VPS41: variants seen among roughly 807,000 people sequenced by gnomAD.
The protein encoded by VPS41 is VPS41 subunit of HOPS complex.
VPS41 carries 85 observed loss-of-function variants against 130.9 expected under a neutral mutation model. That is an observed-to-expected ratio of 0.65 (90% CI 0.55 to 0.78). The LOEUF is 0.78. Among genes scored for constraint, VPS41 ranks in the 30% least tolerant of loss-of-function variants. The pLI is 0.00. For synonymous variants in VPS41, 335 were observed against 332.9 expected, an observed-to-expected ratio of 1.01 and a Z score of -0.07; for missense variants, 874 against 1,018.7, an observed-to-expected ratio of 0.86 and a Z score of 1.93.
At chr7:38,737,733 A>T (rs1795797801) in intron 25 of VPS41, among the ~76,000 whole-genome samples, 10 of 152,176 alleles carry the variant, frequency 6.6e-5, no homozygotes, top group African/African-American at 2.4e-4. Context: ...TTTCCATCAC[A>T]GTGGAAACTC....
chr7:38,869,286 C>T (rs1200844718), intron 2 of VPS41, 33 bp from the exon 3 acceptor site: 2 of 1,490,930 alleles, frequency 1.3e-6, no homozygotes, highest in East Asian at 2.3e-5. Context: ...TGACACCCGT[C>T]AGAGATTTAT....
In VPS41 at chr7:38,795,556, T is replaced by C. The variant is rs1247459983; in HGVS notation, c.626A>G (p.Asp209Gly). 3 of 1,613,324 alleles carry C rather than the reference T, an allele frequency of 1.9e-6. No individual in the cohort carries two copies. The African/African-American group carries it at 4.0e-5, about 22-fold the overall frequency. ...SKQRITNVPR[D>G]DISLRPDMYP... ...CATGTCTGGGCGAAGACTTATATCA[T>C]CCCGGGGCACATTGGTGATTCTTTG... Residue 209 changes from aspartate (D) to glycine (G), a missense_variant, in exon 9 of 29, where the codon GAT becomes GGT. By Grantham distance (94) the Asp-to-Gly change is moderately conservative. Transcript: ENST00000310301.
chr7:38,846,923 T>C (rs907293051), intron 4 of VPS41, among the ~76,000 whole-genome samples: 4 of 151,976 alleles, frequency 2.6e-5, no homozygotes, highest in Non-Finnish European at 2.9e-5. Context: ...GAAGAGATAA[T>C]ATTCATCAGG....
chr7:38,886,316 G>A (rs560168501), intron 2 of VPS41, among the ~76,000 whole-genome samples: 25 of 152,328 alleles, frequency 1.6e-4, no homozygotes, highest in South Asian at 4.1e-4. Flanking sequence ...CTTTTCCCAC[G>A]GTCTTTGCAA....
At position 38,743,528 on chromosome 7, in the gene VPS41, TA is replaced by T. The variant is rs778469292; in HGVS notation, c.1995del (p.Asn665LysfsTer6). On this transcript the variant is annotated frameshift_variant, in exon 24 of 29. Coordinates refer to ENST00000310301, the MANE Select transcript of VPS41 (RefSeq NM_014396.4). LOFTEE classifies it high-confidence loss of function. ...ETVYLLSRMG[N>X]SRSALKMIME... ...ATAATCATCTTCAGGGCACTTCGGC[TA>T]TTACCCATTCGGCCTTGGTGGGGTG... 1.2e-6 allele frequency: 2 copies of T among 1,613,858 alleles called. No individual in the cohort carries two copies. The highest frequency in any genetic ancestry group is 2.2e-5 in the South Asian group (2 of 91,042).
chr7:38,888,592 C>G (rs1369664795), intron 2 of VPS41, among the ~76,000 whole-genome samples: 1 of 152,108 alleles, frequency 6.6e-6, no homozygotes, highest in Non-Finnish European at 1.5e-5. Context: ...CTTTAACACC[C>G]CACTGTTAAT....
intron 7 of VPS41, among the ~76,000 whole-genome samples, chr7:38,798,478 A>G (rs924481678): frequency 2.5e-4 from 38 of 152,118 alleles, no homozygotes; most frequent in Non-Finnish European, 1.2e-4. Flanking sequence ...CTTTTAGTAG[A>G]GACGGGGTTT....
intron 25 of VPS41, among the ~76,000 whole-genome samples, chr7:38,735,152 A>G (rs1051057096): frequency 2.0e-5 from 3 of 152,230 alleles, no homozygotes; most frequent in Non-Finnish European, 2.9e-5. Context: ...AAAAGCTGTG[A>G]TAAGGCAAAA....
chr7:38,731,215 A>G (rs921155667), intron 25 of VPS41, among the ~76,000 whole-genome samples: 3 of 152,250 alleles, frequency 2.0e-5, no homozygotes, highest in Non-Finnish European at 4.4e-5. Context: ...TTATTCTATA[A>G]CATCTGTAAT....
intron 2 of VPS41, among the ~76,000 whole-genome samples, chr7:38,895,670 T>A (rs540876344): frequency 6.6e-6 from 1 of 152,252 alleles, no homozygotes; most frequent in South Asian, 2.1e-4. Flanking sequence ...TCTGATGATG[T>A]TCTTTGTTTC....
At chr7:38,772,006 C>T (rs768081086) in intron 13 of VPS41, among the ~76,000 whole-genome samples, 3 of 151,850 alleles carry the variant, frequency 2.0e-5, no homozygotes, top group Non-Finnish European at 4.4e-5. Context: ...CATCTAAGAA[C>T]GTAACTTTGT....
chr7:38,837,021 T>G (rs555669856), intron 4 of VPS41, among the ~76,000 whole-genome samples: 166 of 152,340 alleles, frequency 1.1e-3, no homozygotes, highest in Non-Finnish European at 2.5e-4. Flanking sequence ...AGAAATTATC[T>G]AAATTTCTAA....
Position 38,879,254 on chromosome 7 carries a change from G to A in VPS41, c.61-10001C>T, listed in dbSNP as rs557974091. Among the ~76,000 whole-genome samples the A allele has an allele frequency of 8.5e-5, 13 of 152,266 alleles. No homozygotes were observed. In the South Asian group the frequency reaches 1.0e-3, roughly 12 times the overall value. ...TAGATCCAGCGTTGACCTCTCCCCC[G>A]GGTGCCTGGTTTTGCTTCCCCATTC... On this transcript the variant is annotated intron_variant, in intron 2 of 28. Coordinates refer to ENST00000310301, the MANE Select transcript of VPS41 (RefSeq NM_014396.4).
chr7:38,855,139 G>A (rs1333993511), intron 4 of VPS41, among the ~76,000 whole-genome samples: 2 of 151,220 alleles, frequency 1.3e-5, no homozygotes, highest in Admixed American at 6.6e-5. Flanking sequence ...GAACCTGGGC[G>A]GCGGAGGTTG....
intron 3 of VPS41, among the ~76,000 whole-genome samples, chr7:38,867,961 T>C (rs1177456519): frequency 6.6e-6 from 1 of 152,048 alleles, no homozygotes; most frequent in Admixed American, 6.6e-5. Flanking sequence ...AGAAAAAGAA[T>C]GAAAGGATTA....
At chr7:38,767,451 C>T (rs1317633722) in intron 15 of VPS41, 86 bp downstream of exon 15, 2 of 795,462 alleles carry the variant, frequency 2.5e-6, no homozygotes, top group East Asian at 5.9e-5. Flanking sequence ...AATAAAATGT[C>T]AACTGCAAAG....
At chr7:38,764,589 A>T (rs527468368) in intron 16 of VPS41, among the ~76,000 whole-genome samples, 1 of 152,212 alleles carries the variant, frequency 6.6e-6, no homozygotes, top group South Asian at 2.1e-4. Flanking sequence ...ATGGTACCAC[A>T]GGGGAAGAGA....
intron 4 of VPS41, among the ~76,000 whole-genome samples, chr7:38,836,461 A>G (rs1785494945): frequency 6.6e-6 from 1 of 152,152 alleles, no homozygotes; most frequent in Admixed American, 6.5e-5. Flanking sequence ...GTCTTAAGCT[A>G]TATTAGTTCT....
At chr7:38,772,744 A>C in intron 12 of VPS41, 107 bp from the exon 13 acceptor site, 1 of 643,624 alleles carries the variant, frequency 1.6e-6, no homozygotes, top group Admixed American at 2.7e-5. Flanking sequence ...CGAACAGAAA[A>C]TGTGTCTATC....
Sources: gnomAD v4.1 joint callset for allele counts (sites outside exome capture counted in the v4.1 genomes callset) on GRCh38, gnomAD v4.1.1 for gene constraint, MANE v1.5 for transcripts, NCBI Gene and HGNC (gene_info 2026-07-23, HGNC 2026-07-21) for gene names.